PLEKHG5: variants seen among roughly 807,000 people sequenced by gnomAD.
The protein encoded by PLEKHG5 is pleckstrin homology and RhoGEF domain containing G5.
Under a neutral mutation model 103.8 loss-of-function variants are expected in PLEKHG5, and 52 were observed. The observed-to-expected ratio is 0.50, with a 90% CI of 0.40 to 0.63. PLEKHG5 has a LOEUF of 0.63. Ranked by LOEUF, PLEKHG5 falls within the 30% of genes least tolerant of loss-of-function variation. PLEKHG5 has a pLI of 0.00. For synonymous variants in PLEKHG5, 592 were observed against 575.5 expected (o/e 1.03, Z -0.41); for missense variants, 1,205 against 1,347.6 (o/e 0.89, Z 1.66).
intron 1 of PLEKHG5, chr1:6,485,395 C>A (rs868230452): frequency 6.5e-6 from 9 of 1,389,884 alleles, no homozygotes; most frequent in South Asian, 6.4e-5. Context: ...AGCCCCGGGC[C>A]CGGCCTGGAG....
intron 10 of PLEKHG5, 111 bp from the exon 11 acceptor site, chr1:6,471,919 C>A (rs574769507): frequency 5.6e-5 from 61 of 1,096,850 alleles, no homozygotes; most frequent in South Asian, 3.5e-4. Context: ...TTCCAGGAGG[C>A]CCCACAGCAG....
upstream of PLEKHG5, chr1:6,497,386 C>T: frequency 1.9e-6 from 2 of 1,074,478 alleles, no homozygotes; most frequent in Non-Finnish European, 2.3e-6. This position sits in a 1 kb window ranked among gnomAD's most constrained non-coding sequence, Gnocchi z 6.1. Flanking sequence ...ACGCCGGGGA[C>T]TGGGAGGCCG....
At chr1:6,474,424 C>T in intron 6 of PLEKHG5, 27 bp downstream of exon 6, 1 of 1,613,160 alleles carries the variant, frequency 6.2e-7, no homozygotes, top group East Asian at 2.2e-5. Context: ...GTCCCAGCGG[C>T]CCCATTTGGC....
rs201647966 is a variant in PLEKHG5 at position 6,468,555 on chromosome 1, T to C, written c.2281A>G (p.Met761Val). Residue 761 changes from methionine (M) to valine (V), a missense_variant, in exon 20 of 21, where the codon ATG becomes GTG. By Grantham distance (21) the Met-to-Val change is conservative. Transcript: ENST00000377728. ...GTGTCCCCAGGCTCTACCACAACCATGGCCAGGGTCTCCGTGGAGCCATCT... is the reference window on the plus strand; with the variant it reads ...GTGTCCCCAGGCTCTACCACAACCACGGCCAGGGTCTCCGTGGAGCCATCT... ...ASDGSTETLA[M>V]VVVEPGDTLS... 1.7e-5 allele frequency: 28 copies of C among 1,612,768 alleles called. No individual in the cohort carries two copies. Among genetic ancestry groups the C allele is most frequent in the East Asian group, 2.2e-5 (1 of 44,884 alleles).
chr1:6,519,701 G>GCGCTCTCA (rs1638721054), exon 1 of PLEKHG5: 2 of 636,802 alleles, frequency 3.1e-6, no homozygotes, highest in Admixed American at 4.9e-5. Flanking sequence ...GAAAACCAAG[G>GCGCTCTCA]CGCTCTCAGC....
In PLEKHG5 at chr1:6,470,370, C is replaced by A. The variant is rs750868344; in HGVS notation, c.1681-15G>T. The A allele has an allele frequency of 1.2e-6, 2 of 1,613,858 alleles. No individual in the cohort carries two copies. The highest frequency in any genetic ancestry group is 2.2e-5 in the South Asian group (2 of 91,062). Reference sequence around the variant, plus strand: ...TCCTTCAGGAGCTGGGGACGGATGGCGTGAACGTAGGGGAGGCCAGAGACT... The same window carrying A: ...TCCTTCAGGAGCTGGGGACGGATGGAGTGAACGTAGGGGAGGCCAGAGACT... On this transcript the variant is annotated splice_polypyrimidine_tract_variant and intron_variant, in intron 15 of 20. Coordinates refer to ENST00000377728, the MANE Select transcript of PLEKHG5 (RefSeq NM_020631.6).
At chr1:6,474,672 C>T (rs1473529656) in intron 5 of PLEKHG5, 85 bp from the exon 6 acceptor site, 10 of 1,367,582 alleles carry the variant, frequency 7.3e-6, no homozygotes, top group South Asian at 1.2e-5. Context: ...GCCCCCGCCC[C>T]ACCCACAGCC....
rs536038159 is a variant in PLEKHG5 at position 6,469,057 on chromosome 1, G to C, written c.2234C>G (p.Pro745Arg). The change falls in exon 19 of 21, where the codon CCC becomes CGC. Residue 745 changes from proline to arginine, a missense_variant. Coordinates refer to ENST00000377728, the MANE Select transcript of PLEKHG5 (RefSeq NM_020631.6). ...GCAGACGTACCAGTGCTGAGAGTCGGGGCTGCCGCTGCTTTTCCGCATGAT... is the reference window on the plus strand; with the variant it reads ...GCAGACGTACCAGTGCTGAGAGTCGCGGCTGCCGCTGCTTTTCCGCATGAT... ...PTIMRKSSGS[P>R]DSQHCASDGS... 1 of 1,613,490 alleles carries C rather than the reference G, an allele frequency of 6.2e-7. No individual in the cohort carries two copies. The highest frequency in any genetic ancestry group is 1.7e-5 in the Admixed American group (1 of 59,996).
upstream of PLEKHG5, among the ~76,000 whole-genome samples, chr1:6,499,117 G>A (rs1318087532): frequency 6.6e-6 from 1 of 152,162 alleles, no homozygotes; most frequent in Non-Finnish European, 1.5e-5. Context: ...AAGTTTCCAG[G>A]CCCCTGCGTT....
chr1:6,470,134 T>C, intron 16 of PLEKHG5, 102 bp downstream of exon 16: 3 of 1,315,984 alleles, frequency 2.3e-6, no homozygotes, highest in Non-Finnish European at 2.1e-6. Flanking sequence ...CACTGGTTCT[T>C]GAGTAACCAC....
rs1645130615 is a variant in PLEKHG5, at chr1:6,490,518, T to C, written c.-88+1119A>G. On this transcript the variant is annotated intron_variant, in intron 1 of 20. Coordinates refer to ENST00000377728, the MANE Select transcript of PLEKHG5 (RefSeq NM_020631.6). This position sits in a 1 kb window ranked among gnomAD's most constrained non-coding sequence, Gnocchi z 8.0. The stretch of plus-strand genomic sequence containing the variant: ...TCGGGCCGAGACTGCCAAAGCCTCA[T>C]GGGGCGCGCGGGGAGAGGGGGACGG... 4.1e-6 allele frequency: 4 copies of C among 984,982 alleles called. No individual in the cohort carries two copies. The highest frequency in any genetic ancestry group is 3.6e-6 in the Non-Finnish European group (3 of 829,814). The allele number at this position is 984,982 out of a possible 1,614,324, so 61.0% of individuals were successfully genotyped here.
chr1:6,518,126 G>T (rs1407955042), intron 1 of PLEKHG5, among the ~76,000 whole-genome samples: 1 of 151,530 alleles, frequency 6.6e-6, no homozygotes, highest in East Asian at 2.0e-4. Flanking sequence ...TAGAGACGGG[G>T]TTTCACCATG....
At position 6,474,063 on chromosome 1, in the gene PLEKHG5, C is replaced by T. The variant is rs527341275; in HGVS notation, c.541G>A (p.Ala181Thr). ...ILRPAGTGPP[A>T]LERVDAQSRR... ...CTCTGGGCGTCCACACGCTCCAGGG[C>T]GGGGGGCCCGGTCCCAGCTGGCCGC... Residue 181 changes from alanine to threonine, a missense_variant, in exon 7 of 21, where the codon GCC becomes ACC. Physicochemically the swap from Ala to Thr is moderately conservative, Grantham distance 58. Transcript: ENST00000377728. The T allele has an allele frequency of 9.8e-5, 157 of 1,610,212 alleles. No homozygotes were observed. The highest frequency in any genetic ancestry group is 9.2e-4 in the South Asian group (84 of 90,832).
chr1:6,485,867 T>A, intron 1 of PLEKHG5: 2 of 988,092 alleles, frequency 2.0e-6, no homozygotes, highest in Non-Finnish European at 2.4e-6. Flanking sequence ...CGGGCCCCTC[T>A]CTTCTCTGAC....
chr1:6,474,598 G>A lies in PLEKHG5; in HGVS notation c.303-11C>T. 2 of 1,613,178 alleles carry A rather than the reference G, an allele frequency of 1.2e-6. No homozygotes were observed. Among genetic ancestry groups the A allele is most frequent in the African/African-American group, 1.3e-5 (1 of 75,008 alleles). ...GGCAGCAGCACCTCCCTGCCCCCAGGACAGGAGGCATGTGTGTTAGAACCA... is the reference window on the plus strand; with the variant it reads ...GGCAGCAGCACCTCCCTGCCCCCAGAACAGGAGGCATGTGTGTTAGAACCA... On this transcript the variant is annotated splice_polypyrimidine_tract_variant and intron_variant, in intron 5 of 20. Coordinates refer to ENST00000377728, the MANE Select transcript of PLEKHG5 (RefSeq NM_020631.6).
At chr1:6,512,733 C>A (rs1220409909) in intron 1 of PLEKHG5, among the ~76,000 whole-genome samples, 1 of 152,262 alleles carries the variant, frequency 6.6e-6, no homozygotes, top group Non-Finnish European at 1.5e-5. Context: ...CTCAGTCCCT[C>A]CCCGTCTCAC....
chr1:6,481,974 C>A (rs557677768), intron 1 of PLEKHG5, among the ~76,000 whole-genome samples: 1 of 151,642 alleles, frequency 6.6e-6, no homozygotes, highest in South Asian at 2.1e-4. Context: ...TCCTGTCCTG[C>A]TCTTCCATCC....
chr1:6,508,498 C>G (rs1398763127), intron 1 of PLEKHG5, among the ~76,000 whole-genome samples: 2 of 152,238 alleles, frequency 1.3e-5, no homozygotes, highest in Non-Finnish European at 2.9e-5. Context: ...GAGGCCCCCC[C>G]AGGCCAGTGA....
At chr1:6,497,126 CGGGGGGA>C, upstream of PLEKHG5, 2 of 1,209,048 alleles carry the variant, frequency 1.7e-6, no homozygotes, top group Non-Finnish European at 2.3e-6. The surrounding 1 kb of genome is among the most constrained non-coding windows in gnomAD (Gnocchi z 6.1). Flanking sequence ...CAGCGAGAGG[CGGGGGGA>C]GGGAGGAGAA....
Sources: allele counts gnomAD v4.1 joint callset (sites outside exome capture counted in the v4.1 genomes callset), GRCh38; gene constraint gnomAD v4.1.1; non-coding constraint Gnocchi (gnomAD v3.1); transcripts MANE v1.5; gene names NCBI Gene and HGNC (gene_info 2026-07-23, HGNC 2026-07-21).